The following ADAM12 variants were observed in gnomAD, a reference collection of about 807,000 sequenced individuals.
The protein encoded by ADAM12 is disintegrin and metalloproteinase domain-containing protein 12.
Under a neutral mutation model 106.4 loss-of-function variants are expected in ADAM12, and 70 were observed. That is an observed-to-expected ratio of 0.66 (90% confidence interval 0.54 to 0.80). ADAM12 has a LOEUF of 0.80. ADAM12 is among the 30% of genes least tolerant of loss of function. The probability of loss-of-function intolerance (pLI) is 0.00; values close to 1 mark genes in which losing one functional copy is unlikely to be tolerated. For missense variants in ADAM12, 1,010 were observed against 1,171.9 expected (o/e 0.86, Z 2.02); for synonymous variants, 420 against 433.5 (o/e 0.97, Z 0.39).
intron 3 of ADAM12, among the ~76,000 whole-genome samples, chr10:126,240,580 C>T (rs559206413): frequency 6.6e-6 from 1 of 152,354 alleles, no homozygotes; most frequent in South Asian, 2.1e-4. Context: ...GTCAGCTGTG[C>T]TCTGAGTATC....
intron 10 of ADAM12, among the ~76,000 whole-genome samples, chr10:126,095,224 C>T (rs190064412): frequency 1.6e-3 from 241 of 152,142 alleles, no homozygotes; most frequent in Non-Finnish European, 2.6e-3. Flanking sequence ...CAGTATTGGA[C>T]GTGAGGCCTT....
intron 5 of ADAM12, 32 bp downstream of exon 5, chr10:126,135,552 A>G (rs1956389168): frequency 2.5e-6 from 4 of 1,602,762 alleles, no homozygotes; most frequent in Non-Finnish European, 3.4e-6. Flanking sequence ...AGATGGCTGA[A>G]GACTAGAGCC....
intron 1 of ADAM12, among the ~76,000 whole-genome samples, chr10:126,359,266 A>G (rs530762033): frequency 1.3e-5 from 2 of 152,274 alleles, no homozygotes; most frequent in African/African-American, 4.8e-5. Flanking sequence ...CCGAAATCGC[A>G]TGTCCTCACA....
chr10:126,300,159 A>G (rs981484165), intron 2 of ADAM12, among the ~76,000 whole-genome samples: 1 of 152,188 alleles, frequency 6.6e-6, no homozygotes, highest in Non-Finnish European at 1.5e-5. Context: ...CAACCATTTA[A>G]TGATGCTACC....
At chr10:126,098,553 T>G in intron 9 of ADAM12, 53 bp from the exon 10 acceptor site, 2 of 1,467,700 alleles carry the variant, frequency 1.4e-6, no homozygotes, top group Non-Finnish European at 1.9e-6. Flanking sequence ...GGGGGCATTC[T>G]CTAATATTTA....
intron 5 of ADAM12, among the ~76,000 whole-genome samples, chr10:126,134,591 G>A (rs950302225): frequency 6.6e-5 from 10 of 152,340 alleles, no homozygotes; most frequent in South Asian, 4.1e-4. Flanking sequence ...ATTGAGCAAT[G>A]GGGAACATGT....
chr10:126,274,333 G>T (rs1959200303), intron 3 of ADAM12, among the ~76,000 whole-genome samples: 1 of 152,118 alleles, frequency 6.6e-6, no homozygotes, highest in African/African-American at 2.4e-5. Flanking sequence ...GACCTCCCCT[G>T]CCTAGGACCC....
intron 2 of ADAM12, among the ~76,000 whole-genome samples, chr10:126,282,415 C>T (rs1590728757): frequency 1.3e-5 from 2 of 152,196 alleles, no homozygotes; most frequent in African/African-American, 4.8e-5. Flanking sequence ...ATTACATTTC[C>T]CTTATTCCCA....
chr10:126,057,986 A>G (rs547802017), intron 14 of ADAM12, among the ~76,000 whole-genome samples: 1 of 152,326 alleles, frequency 6.6e-6, no homozygotes, highest in South Asian at 2.1e-4. Context: ...CCCACAGGTT[A>G]TATGATCGGG....
intron 10 of ADAM12, among the ~76,000 whole-genome samples, chr10:126,097,040 C>T (rs960524414): frequency 6.6e-6 from 1 of 152,166 alleles, no homozygotes; most frequent in Non-Finnish European, 1.5e-5. Flanking sequence ...AGATGGGTTA[C>T]AGGCCCATTT....
Position 126,339,155 on chromosome 10 carries a change from T to C in ADAM12, c.89-8646A>G, listed in dbSNP as rs1297726479. ...CCATCTTCCCTTTCTACCCTTACTG[T>C]TCCCCAGAGAACTCATTAATTTTTA... On this transcript the variant is annotated intron_variant, in intron 1 of 22. Transcript: ENST00000448723. 3.9e-5 allele frequency among the ~76,000 whole-genome samples: 6 copies of C among 152,292 alleles called. No individual in the cohort carries two copies. The East Asian group carries it at 1.2e-3, about 29-fold the overall frequency.
intron 3 of ADAM12, among the ~76,000 whole-genome samples, chr10:126,173,344 C>T (rs912331794): frequency 6.6e-6 from 1 of 152,212 alleles, no homozygotes; most frequent in East Asian, 1.9e-4. Flanking sequence ...ACCACAGAAA[C>T]AGCAAACGCG....
intron 21 of ADAM12, among the ~76,000 whole-genome samples, chr10:126,035,132 G>A (rs1424046410): frequency 1.3e-5 from 2 of 152,176 alleles, no homozygotes; most frequent in Admixed American, 1.3e-4. Flanking sequence ...ACTGGTAAAA[G>A]TTAAAATTTA....
At chr10:126,292,906 G>A (rs1020805831) in intron 2 of ADAM12, among the ~76,000 whole-genome samples, 5 of 152,120 alleles carry the variant, frequency 3.3e-5, no homozygotes, top group Non-Finnish European at 7.4e-5. Flanking sequence ...CATCAAAATC[G>A]CCTGGAGTGC....
chr10:126,120,347 C>A (rs1264675211), intron 5 of ADAM12, among the ~76,000 whole-genome samples: 1 of 152,058 alleles, frequency 6.6e-6, no homozygotes, highest in Admixed American at 6.6e-5. Context: ...GGTTATACAC[C>A]CTTCTTCTTA....
At chr10:126,369,484 C>T (rs1042799742) in intron 1 of ADAM12, among the ~76,000 whole-genome samples, 5 of 152,126 alleles carry the variant, frequency 3.3e-5, no homozygotes, top group South Asian at 2.1e-4. Context: ...GACCAAGAAC[C>T]GGCTGCCTGT....
At chr10:126,198,346 CGACAGAA>C (rs1957636339) in intron 3 of ADAM12, among the ~76,000 whole-genome samples, 12 of 152,288 alleles carry the variant, frequency 7.9e-5, no homozygotes, top group Non-Finnish European at 1.0e-4. Context: ...AAGTGTAAGA[CGACAGAA>C]TTTACACAAC....
intron 4 of ADAM12, among the ~76,000 whole-genome samples, chr10:126,146,112 G>C (rs1038225177): frequency 9.8e-5 from 15 of 152,342 alleles, no homozygotes; most frequent in Non-Finnish European, 1.9e-4. Context: ...TCTTCCAGCT[G>C]TGAGGAAGGG....
chr10:126,156,062 T>C (rs1590518315), intron 3 of ADAM12, among the ~76,000 whole-genome samples: 1 of 152,214 alleles, frequency 6.6e-6, no homozygotes, highest in African/African-American at 2.4e-5. Context: ...ATGCACTATT[T>C]TATCCTGTTC....
Sources: gnomAD v4.1 joint callset for allele counts (sites outside exome capture counted in the v4.1 genomes callset) on GRCh38, gnomAD v4.1.1 for gene constraint, MANE v1.5 for transcripts, NCBI Gene and HGNC (gene_info 2026-07-23, HGNC 2026-07-21) for gene names.